Variants in NTSR1 observed in about 807,000 individuals in gnomAD.
NTSR1 encodes neurotensin receptor type 1.
NTSR1 carries 29 observed loss-of-function variants against 31.2 expected under a neutral mutation model. The observed-to-expected ratio is 0.93, with a 90% CI of 0.69 to 1.27. NTSR1 has a LOEUF of 1.27. Ranked by LOEUF, NTSR1 falls within the 50% of genes most tolerant of loss-of-function variation. NTSR1 has a pLI of 0.00. For synonymous variants in NTSR1, 282 were observed against 269.9 expected (o/e 1.04, Z -0.44); for missense variants, 697 against 595.4 (o/e 1.17, Z -1.78).
At chr20:62,736,953 C>T (rs1344823486) in intron 1 of NTSR1, among the ~76,000 whole-genome samples, 1 of 152,220 alleles carries the variant, frequency 6.6e-6, no homozygotes, top group African/African-American at 2.4e-5. Context: ...GTCACTCACA[C>T]CGTCCTGCTG....
chr20:62,722,025 G>T (rs542390943), intron 1 of NTSR1, among the ~76,000 whole-genome samples: 67 of 151,904 alleles, frequency 4.4e-4, no homozygotes, highest in Admixed American at 3.3e-3. Flanking sequence ...CTTGTCAATG[G>T]GTCACATTTT....
At position 62,739,827 on chromosome 20, in the gene NTSR1, G is replaced by A. The variant is rs187083500; in HGVS notation, c.715-14858G>A. On this transcript the variant is annotated intron_variant, in intron 1 of 3. Coordinates refer to ENST00000370501, the MANE Select transcript of NTSR1 (RefSeq NM_002531.3). ...CCGTGGGGCTGGAGGTGCAGCGGCC[G>A]GCGACGGCCAGAACTGGAGAACAGG... Among the ~76,000 whole-genome samples the A allele has an allele frequency of 6.5e-3, 992 of 152,372 alleles. 20 individuals carry two copies. Among genetic ancestry groups the A allele is most frequent in the South Asian group, 0.064 (307 of 4,830 alleles).
chr20:62,753,827 C>T (rs2147147564), intron 1 of NTSR1, among the ~76,000 whole-genome samples: 1 of 152,356 alleles, frequency 6.6e-6, no homozygotes, highest in African/African-American at 2.4e-5. Context: ...CAGACATGTC[C>T]CCTTCCTGTT....
rs565722545 is a variant in NTSR1 at position 62,730,756 on chromosome 20, G to A, written c.714+20835G>A. On this transcript the variant is annotated intron_variant, in intron 1 of 3. Coordinates refer to ENST00000370501, the MANE Select transcript of NTSR1 (RefSeq NM_002531.3). Reference sequence around the variant, plus strand: ...CGCAGCCTTGCCAGCGTTTGGTGTCGTCAGGATCTTGGTTTTGGTTTTTGT... The same window carrying A: ...CGCAGCCTTGCCAGCGTTTGGTGTCATCAGGATCTTGGTTTTGGTTTTTGT... 2.2e-3 allele frequency among the ~76,000 whole-genome samples: 332 copies of A among 152,356 alleles called. 4 individuals carry two copies. Among genetic ancestry groups the A allele is most frequent in the African/African-American group, 6.9e-3 (288 of 41,578 alleles).
chr20:62,714,423 T>C lies in NTSR1; in HGVS notation c.714+4502T>C, dbSNP rs189211852. ...CAGTGTCTCAGCCCAGAAATGTTCATCAATAAGTGAAGAAGGAGCAGGATG... is the reference window on the plus strand; with the variant it reads ...CAGTGTCTCAGCCCAGAAATGTTCACCAATAAGTGAAGAAGGAGCAGGATG... On this transcript the variant is annotated intron_variant, in intron 1 of 3. Coordinates refer to ENST00000370501, the MANE Select transcript of NTSR1 (RefSeq NM_002531.3). This position sits in a 1 kb window ranked among gnomAD's most constrained non-coding sequence, Gnocchi z 4.1. 6.6e-6 allele frequency among the ~76,000 whole-genome samples: 1 copy of C among 152,310 alleles called. No homozygotes were observed.
At chr20:62,751,614 C>G (rs571739792) in intron 1 of NTSR1, among the ~76,000 whole-genome samples, 1 of 152,386 alleles carries the variant, frequency 6.6e-6, no homozygotes, top group African/African-American at 2.4e-5. Context: ...AAGCTGGTGT[C>G]TAGCAAAGGT....
intron 1 of NTSR1, 148 bp from the exon 2 acceptor site, chr20:62,754,537 G>A (rs547193354): frequency 3.7e-5 from 26 of 695,570 alleles, no homozygotes; most frequent in Middle Eastern, 2.8e-4. Context: ...CCGGGCAGCC[G>A]GGATAGGGCC....
intron 1 of NTSR1, among the ~76,000 whole-genome samples, chr20:62,740,709 G>A (rs754303562): frequency 6.6e-6 from 1 of 152,242 alleles, no homozygotes; most frequent in Non-Finnish European, 1.5e-5. Context: ...GGCCGTGACC[G>A]GGGCCAGAAT....
chr20:62,737,683 CCAGGTCCAGCCCCGGATG>C (rs1989122216), intron 1 of NTSR1, among the ~76,000 whole-genome samples: 1 of 152,106 alleles, frequency 6.6e-6, no homozygotes, highest in Non-Finnish European at 1.5e-5. Flanking sequence ...CTGCCCATCG[CCAGGTCCAGCCCCGGATG>C]CAGGCCACAC....
Position 62,719,614 on chromosome 20 carries a change from G to A in NTSR1, c.714+9693G>A, listed in dbSNP as rs113650183. ...CCTCCTCCCCCAGCCCCTGGCAACC[G>A]CCATTCTACTTTTTGTCTCTGTGAA... On this transcript the variant is annotated intron_variant, in intron 1 of 3. Transcript: ENST00000370501. Among the ~76,000 whole-genome samples, 627 of 151,552 alleles carry A rather than the reference G, an allele frequency of 4.1e-3. 6 individuals carry two copies. The highest frequency in any genetic ancestry group is 0.014 in the African/African-American group (588 of 41,422).
In NTSR1 at chr20:62,730,023, T is replaced by C. The variant is rs188258396; in HGVS notation, c.714+20102T>C. On this transcript the variant is annotated intron_variant, in intron 1 of 3. Transcript: ENST00000370501. ...CATGGTGTCTCCTGGCCCTCACCTG[T>C]TAATAACAGGTGTCTCCCTGTTATT... 3.1e-3 allele frequency among the ~76,000 whole-genome samples: 477 copies of C among 152,294 alleles called. 1 individual carries two copies. The highest frequency in any genetic ancestry group is 3.4e-3 in the Admixed American group (52 of 15,300).
At chr20:62,726,762 G>A (rs1988913770) in intron 1 of NTSR1, among the ~76,000 whole-genome samples, 1 of 152,238 alleles carries the variant, frequency 6.6e-6, no homozygotes, top group Non-Finnish European at 1.5e-5. Context: ...TACTAGGTGA[G>A]GAGGAACAGG....
In NTSR1 at chr20:62,714,363, C is replaced by T. The variant is rs1324043377; in HGVS notation, c.714+4442C>T. On this transcript the variant is annotated intron_variant, in intron 1 of 3. Transcript: ENST00000370501. This position sits in a 1 kb window ranked among gnomAD's most constrained non-coding sequence, Gnocchi z 4.1. ...ATTTTTCCTGCCTTTTCTATTCAAA[C>T]GGTACTTTAGAATAACCCAAGAGTA... is the stretch of plus-strand genomic sequence containing the variant. Among the ~76,000 whole-genome samples, 2 of 152,178 alleles carry T rather than the reference C, an allele frequency of 1.3e-5. No individual in the cohort carries two copies. The highest frequency in any genetic ancestry group is 4.8e-5 in the African/African-American group (2 of 41,420).
chr20:62,730,708 G>C (rs147259570), intron 1 of NTSR1, among the ~76,000 whole-genome samples: 3 of 152,370 alleles, frequency 2.0e-5, no homozygotes, highest in Admixed American at 2.0e-4. Flanking sequence ...CAGCAGCCAC[G>C]GGTGAGGGCG....
In NTSR1 at chr20:62,743,865, C is replaced by T. The variant is rs1029573180; in HGVS notation, c.715-10820C>T. On this transcript the variant is annotated intron_variant, in intron 1 of 3. Coordinates refer to ENST00000370501, the MANE Select transcript of NTSR1 (RefSeq NM_002531.3). This position sits in a 1 kb window ranked among gnomAD's most constrained non-coding sequence, Gnocchi z 7.5. ...GAGGCCGGCTGTCTGGAGCCTGTGTCGGGGGCACCCTCCTGCTGTCTGGCT... is the reference window on the plus strand; with the variant it reads ...GAGGCCGGCTGTCTGGAGCCTGTGTTGGGGGCACCCTCCTGCTGTCTGGCT... Among the ~76,000 whole-genome samples, 3 of 152,250 alleles carry T rather than the reference C, an allele frequency of 2.0e-5. No individual in the cohort carries two copies. Among genetic ancestry groups the T allele is most frequent in the African/African-American group, 2.4e-5 (1 of 41,542 alleles).
At chr20:62,748,356 A>T (rs1173608312) in intron 1 of NTSR1, among the ~76,000 whole-genome samples, 3 of 152,206 alleles carry the variant, frequency 2.0e-5, no homozygotes, top group African/African-American at 7.2e-5. Context: ...CATACTACCC[A>T]AAGTGATCTA....
Position 62,709,871 on chromosome 20 carries a change from C to G in NTSR1, c.664C>G (p.Leu222Val), listed in dbSNP as rs1000220236. 1.9e-6 allele frequency: 3 copies of G among 1,606,022 alleles called. No homozygotes were observed. In the South Asian group the frequency reaches 3.3e-5, roughly 18 times the overall value. The change falls in exon 1 of 4, where the codon CTG becomes GTG. Residue 222 changes from leucine (L) to valine (V), a missense_variant. Coordinates refer to ENST00000370501, the MANE Select transcript of NTSR1 (RefSeq NM_002531.3). ...RSADGQHAGGLVCTPTIHTAT... is the reference protein window; with the variant it reads ...RSADGQHAGGVVCTPTIHTAT... The stretch of plus-strand genomic sequence containing the variant: ...CGCCGACGGCCAGCACGCCGGCGGC[C>G]TGGTGTGCACCCCCACCATCCACAC...
rs1314221644 is a variant in NTSR1 at position 62,745,935 on chromosome 20, G to T, written c.715-8750G>T. 2.0e-5 allele frequency among the ~76,000 whole-genome samples: 3 copies of T among 152,368 alleles called. No individual in the cohort carries two copies. In the East Asian group the frequency reaches 5.8e-4, roughly 29 times the overall value. On this transcript the variant is annotated intron_variant, in intron 1 of 3. Coordinates refer to ENST00000370501, the MANE Select transcript of NTSR1 (RefSeq NM_002531.3). The surrounding 1 kb of genome is among the most constrained non-coding windows in gnomAD (Gnocchi z 4.1). ...AATCGAAAGGCGCCAGGGTGCTGTG[G>T]CATCAGTGGCGCTGAGGCATCCTCT...
intron 1 of NTSR1, among the ~76,000 whole-genome samples, chr20:62,738,101 G>A (rs1411786611): frequency 1.3e-5 from 2 of 152,216 alleles, no homozygotes; most frequent in African/African-American, 4.8e-5. Context: ...CAGGTGCCTT[G>A]GATGCATCAG....
Sources: gnomAD v4.1 joint callset for allele counts (sites outside exome capture counted in the v4.1 genomes callset) on GRCh38, gnomAD v4.1.1 for gene constraint, Gnocchi (gnomAD v3.1) non-coding constraint, MANE v1.5 for transcripts, NCBI Gene and HGNC (gene_info 2026-07-23, HGNC 2026-07-21) for gene names.